PSEN1: variants seen among roughly 807,000 people sequenced by gnomAD.
PSEN1 encodes the protein presenilin 1.
PSEN1 carries 15 observed loss-of-function variants against 53.5 expected under a neutral mutation model. The observed-to-expected ratio is 0.28, with a 90% CI of 0.19 to 0.43. The LOEUF is 0.43. Among genes scored for constraint, PSEN1 ranks in the 20% least tolerant of loss-of-function variants. The pLI, the probability that PSEN1 is intolerant of heterozygous loss-of-function variation, is 1.00. For missense variants in PSEN1, 387 were observed against 571.2 expected (o/e 0.68, Z 3.29); for synonymous variants, 208 against 209.8 (o/e 0.99, Z 0.08).
chr14:73,175,287 C>T (rs1172177425), intron 5 of PSEN1, among the ~76,000 whole-genome samples: 5 of 151,152 alleles, frequency 3.3e-5, no homozygotes, highest in African/African-American at 7.4e-5. Context: ...CCACCACACC[C>T]GGCTAATTTT....
intron 5 of PSEN1, among the ~76,000 whole-genome samples, chr14:73,183,900 G>A (rs1417377097): frequency 1.4e-5 from 2 of 147,436 alleles, no homozygotes; most frequent in African/African-American, 2.6e-5. Context: ...CTCACCTCCC[G>A]GGCGGGGCGG....
At chr14:73,184,918 C>T (rs1312348736) in intron 5 of PSEN1, among the ~76,000 whole-genome samples, 8 of 143,154 alleles carry the variant, frequency 5.6e-5, no homozygotes, top group African/African-American at 1.3e-4. Context: ...TGCTCCTCAC[C>T]TCCCAGACGG....
At chr14:73,210,936 A>G (rs1343217462) in intron 9 of PSEN1, among the ~76,000 whole-genome samples, 1 of 152,196 alleles carries the variant, frequency 6.6e-6, no homozygotes, top group Non-Finnish European at 1.5e-5. Flanking sequence ...CACCATTTTC[A>G]ATGAGATTGA....
At chr14:73,141,928 G>A (rs1393736958) in intron 1 of PSEN1, among the ~76,000 whole-genome samples, 2 of 151,958 alleles carry the variant, frequency 1.3e-5, no homozygotes, top group Admixed American at 6.6e-5. Flanking sequence ...TTAGCCAGGC[G>A]TGGTGGCGGG....
intron 8 of PSEN1, among the ~76,000 whole-genome samples, chr14:73,204,924 C>T (rs1033753448): frequency 6.6e-6 from 1 of 152,002 alleles, no homozygotes; most frequent in Admixed American, 6.6e-5. Flanking sequence ...TGGTGGTTGC[C>T]CTTCAGTTTT....
chr14:73,193,381 C>G (rs748809392), intron 7 of PSEN1, among the ~76,000 whole-genome samples: 9 of 151,542 alleles, frequency 5.9e-5, no homozygotes, highest in Non-Finnish European at 1.2e-4. Context: ...CCCGTCTCTA[C>G]TAAAAATACA....
At chr14:73,208,738 G>T in intron 9 of PSEN1, 1 of 425,462 alleles carries the variant, frequency 2.4e-6, no homozygotes, top group South Asian at 1.7e-5. Context: ...ACTGTGGTCT[G>T]TGGAACTGGG....
At chr14:73,192,941 T>A in intron 7 of PSEN1, 77 bp downstream of exon 7, 3 of 1,118,366 alleles carry the variant, frequency 2.7e-6, no homozygotes, top group Non-Finnish European at 4.1e-6. Context: ...CTCTTTATCT[T>A]GATTTAGAGA....
At chr14:73,165,841 A>G (rs947713134) in intron 3 of PSEN1, among the ~76,000 whole-genome samples, 11 of 151,676 alleles carry the variant, frequency 7.3e-5, no homozygotes, top group Non-Finnish European at 7.4e-5. Flanking sequence ...GCGGATCATG[A>G]GGTCAGGAGT....
chr14:73,208,684 A>G, intron 9 of PSEN1: 1 of 378,678 alleles, frequency 2.6e-6, no homozygotes, highest in South Asian at 2.0e-5. Flanking sequence ...TGATGGGTCC[A>G]TGGGTGGCCA....
At position 73,222,057 on chromosome 14, in the gene PSEN1, A is replaced by G. The variant is rs1900128332; in HGVS notation, c.*2768A>G. 1 of 152,244 alleles carries G rather than the reference A, an allele frequency of 6.6e-6. No individual in the cohort carries two copies. Among genetic ancestry groups the G allele is most frequent in the Admixed American group, 6.5e-5 (1 of 15,290 alleles). 9.4% of individuals were successfully genotyped at this position (152,244 alleles called of 1,614,324 possible). A position where few individuals can be genotyped will look rare whatever the true frequency, so the allele number is the denominator to read the frequency against. ...GTCATTACATGCCTATGGGAATACC[A>G]ATCATATTTGGAAGATTTGCAGATT... On this transcript the variant is annotated 3_prime_UTR_variant, in exon 12 of 12. Transcript: ENST00000324501.
intron 5 of PSEN1, among the ~76,000 whole-genome samples, chr14:73,183,181 G>C (rs546849116): frequency 6.6e-6 from 1 of 152,130 alleles, no homozygotes; most frequent in Non-Finnish European, 1.5e-5. Flanking sequence ...GCAATGGTGC[G>C]ATCTCAGCTC....
chr14:73,155,506 T>C (rs1265939099), intron 3 of PSEN1, among the ~76,000 whole-genome samples: 14 of 152,042 alleles, frequency 9.2e-5, no homozygotes, highest in Non-Finnish European at 1.6e-4. Flanking sequence ...TATATTATCA[T>C]TATTATTTTT....
chr14:73,185,132 A>G (rs1242866912), intron 5 of PSEN1, among the ~76,000 whole-genome samples: 1 of 145,878 alleles, frequency 6.9e-6, no homozygotes, highest in African/African-American at 2.6e-5. Flanking sequence ...CTGGGCAGCC[A>G]GGCAGAGGGG....
chr14:73,187,691 T>C (rs1423008766), intron 6 of PSEN1, among the ~76,000 whole-genome samples: 1 of 152,176 alleles, frequency 6.6e-6, no homozygotes, highest in Non-Finnish European at 1.5e-5. Context: ...ATAACAATAG[T>C]ACCAGGCCCC....
At chr14:73,207,334 G>A (rs1324620497) in intron 9 of PSEN1, among the ~76,000 whole-genome samples, 2 of 151,140 alleles carry the variant, frequency 1.3e-5, no homozygotes, top group Non-Finnish European at 3.0e-5. Flanking sequence ...AAAAAAAAAA[G>A]AAAGGGTTGA....
In PSEN1 at chr14:73,219,127, T is replaced by C; in HGVS notation, c.1249-7T>C. ...GTGAATGTGTGTCTTTCCCATCTTC[T>C]CCACAGGGTTTGTGCCTTACATTAT... is the stretch of plus-strand genomic sequence containing the variant. On this transcript the variant is annotated splice_polypyrimidine_tract_variant and splice_region_variant and intron_variant, in intron 11 of 11. Transcript: ENST00000324501. 3.1e-6 allele frequency: 5 copies of C among 1,613,840 alleles called. No individual in the cohort carries two copies. The South Asian group carries it at 5.5e-5, about 18-fold the overall frequency.
At chr14:73,193,179 G>A (rs1444626543) in intron 7 of PSEN1, among the ~76,000 whole-genome samples, 2 of 152,116 alleles carry the variant, frequency 1.3e-5, no homozygotes, top group South Asian at 2.1e-4. Flanking sequence ...GCATGGTGGT[G>A]CACACCTGTA....
At chr14:73,148,417 A>C (rs1426357658) in intron 3 of PSEN1, among the ~76,000 whole-genome samples, 1 of 152,178 alleles carries the variant, frequency 6.6e-6, no homozygotes, top group African/African-American at 2.4e-5. Flanking sequence ...TCTACGGCTG[A>C]GTCCATTTTA....
Sources: gnomAD v4.1 joint callset for allele counts (sites outside exome capture counted in the v4.1 genomes callset) on GRCh38, gnomAD v4.1.1 for gene constraint, MANE v1.5 for transcripts, NCBI Gene and HGNC (gene_info 2026-07-23, HGNC 2026-07-21) for gene names.